The following COL21A1 variants were observed in gnomAD, a reference collection of about 807,000 sequenced individuals.
COL21A1 encodes collagen type XXI alpha 1 chain.
Under a neutral mutation model 137.9 loss-of-function variants are expected in COL21A1, and 149 were observed. The observed-to-expected ratio is 1.08, with a 90% CI of 0.95 to 1.24. The LOEUF is 1.24. Ranked by LOEUF, COL21A1 falls within the 50% of genes most tolerant of loss-of-function variation. COL21A1 has a pLI of 0.00. For missense variants in COL21A1, 1,167 were observed against 1,158.4 expected (o/e 1.01, Z -0.11); for synonymous variants, 456 against 391.5 (o/e 1.16, Z -1.95).
intron 1 of COL21A1, among the ~76,000 whole-genome samples, chr6:56,300,471 T>G (rs188890960): frequency 2.0e-5 from 3 of 152,270 alleles, no homozygotes; most frequent in Admixed American, 2.0e-4. Flanking sequence ...CTGGAATGTC[T>G]TCTAAAAAAC....
intron 12 of COL21A1, among the ~76,000 whole-genome samples, chr6:56,139,588 G>C (rs2152234556): frequency 6.6e-6 from 1 of 152,146 alleles, no homozygotes; most frequent in East Asian, 1.9e-4. Context: ...ATTTTTGTTT[G>C]GTCTTCAGGA....
chr6:56,254,015 G>A (rs1249232554), intron 1 of COL21A1, among the ~76,000 whole-genome samples: 2 of 152,088 alleles, frequency 1.3e-5, no homozygotes. Flanking sequence ...GAGACTACTT[G>A]GAGATAATTA....
intron 1 of COL21A1, among the ~76,000 whole-genome samples, chr6:56,369,595 C>T (rs1766183421): frequency 8.1e-6 from 1 of 123,636 alleles, no homozygotes; most frequent in African/African-American, 3.0e-5. Context: ...AGAAAGGAAA[C>T]AATTGTGAAA....
chr6:56,079,987 C>G (rs750587379), intron 17 of COL21A1, among the ~76,000 whole-genome samples: 4 of 151,568 alleles, frequency 2.6e-5, no homozygotes, highest in Non-Finnish European at 5.9e-5. Flanking sequence ...GAGAGGTTAA[C>G]CAGGGAAACT....
At chr6:56,123,602 C>G (rs1561889472) in intron 16 of COL21A1, among the ~76,000 whole-genome samples, 1 of 152,122 alleles carries the variant, frequency 6.6e-6, no homozygotes, top group Non-Finnish European at 1.5e-5. Context: ...TGCTAATGGA[C>G]CACCCCAAGG....
intron 9 of COL21A1, among the ~76,000 whole-genome samples, chr6:56,162,531 G>T (rs1776269769): frequency 6.6e-6 from 1 of 152,088 alleles, no homozygotes; most frequent in South Asian, 2.1e-4. Context: ...ACATCTATTG[G>T]ACCACAAATG....
intron 12 of COL21A1, among the ~76,000 whole-genome samples, chr6:56,129,998 T>G (rs1428583826): frequency 6.6e-6 from 1 of 151,164 alleles, no homozygotes; most frequent in Non-Finnish European, 1.5e-5. Context: ...AAATTTTATA[T>G]CTAAGATCCA....
chr6:56,091,230 G>A (rs1768785938), intron 17 of COL21A1, among the ~76,000 whole-genome samples: 2 of 152,164 alleles, frequency 1.3e-5, no homozygotes. Flanking sequence ...CAGAAAAGGT[G>A]ATTAAACAAA....
At chr6:56,344,031 G>A (rs999712969) in intron 1 of COL21A1, among the ~76,000 whole-genome samples, 11 of 152,192 alleles carry the variant, frequency 7.2e-5, no homozygotes, top group African/African-American at 2.7e-4. Context: ...TCATTGTGAA[G>A]AGTGACTCCA....
At chr6:56,266,564 G>A (rs1258063445) in intron 1 of COL21A1, among the ~76,000 whole-genome samples, 1 of 152,208 alleles carries the variant, frequency 6.6e-6, no homozygotes, top group African/African-American at 2.4e-5. Flanking sequence ...ACTCCTGCTA[G>A]ATGCAATGCA....
At chr6:56,298,178 G>T (rs1764202764) in intron 1 of COL21A1, among the ~76,000 whole-genome samples, 1 of 151,936 alleles carries the variant, frequency 6.6e-6, no homozygotes, top group South Asian at 2.1e-4. Flanking sequence ...CAAGTCCAAT[G>T]GTGAAGGGAA....
upstream of COL21A1, among the ~76,000 whole-genome samples, chr6:56,250,199 A>C (rs994039): frequency 0.15 from 22,913 of 152,258 alleles, 3,236 homozygotes; most frequent in East Asian, 0.61. Context: ...AATTGAAAAG[A>C]AGGACAAGAA....
At chr6:56,144,034 G>T (rs1414066313) in intron 10 of COL21A1, among the ~76,000 whole-genome samples, 1 of 152,134 alleles carries the variant, frequency 6.6e-6, no homozygotes, top group African/African-American at 2.4e-5. Context: ...CATGGAATTT[G>T]CTCAGCCCTG....
chr6:56,348,203 C>G (rs1317929865), intron 1 of COL21A1, among the ~76,000 whole-genome samples: 1 of 152,106 alleles, frequency 6.6e-6, no homozygotes, highest in Non-Finnish European at 1.5e-5. Flanking sequence ...AATCTGCTTT[C>G]TTCCCTTAAG....
intron 1 of COL21A1, among the ~76,000 whole-genome samples, chr6:56,336,958 C>G (rs1765341140): frequency 6.6e-6 from 1 of 152,208 alleles, no homozygotes; most frequent in African/African-American, 2.4e-5. Flanking sequence ...AGTAAATACT[C>G]TCTATGCCTT....
chr6:56,122,516 A>G lies in COL21A1; in HGVS notation c.1758+1546T>C, dbSNP rs554607905. Among the ~76,000 whole-genome samples, 9 of 152,172 alleles carry G rather than the reference A, an allele frequency of 5.9e-5. No individual in the cohort carries two copies. In the East Asian group the frequency reaches 1.2e-3, roughly 20 times the overall value. On this transcript the variant is annotated intron_variant, in intron 16 of 29. Transcript: ENST00000244728. ...TTTTAATAGGGCATGGTGTTTCTTT[A>G]TGGGATAATGAAAATGTTCTAAAAA...
intron 9 of COL21A1, among the ~76,000 whole-genome samples, chr6:56,162,384 T>G (rs1002248082): frequency 6.6e-6 from 1 of 152,010 alleles, no homozygotes; most frequent in Non-Finnish European, 1.5e-5. Context: ...AGATTATGAC[T>G]AAGAAAAGAA....
At chr6:56,178,283 C>T (rs1034064383) in intron 3 of COL21A1, among the ~76,000 whole-genome samples, 4 of 152,052 alleles carry the variant, frequency 2.6e-5, no homozygotes, top group Non-Finnish European at 1.5e-5. Flanking sequence ...TCCCATTGGC[C>T]TGTTCAGTAT....
At chr6:56,244,938 A>C (rs1045408740) in intron 1 of COL21A1, among the ~76,000 whole-genome samples, 6 of 152,204 alleles carry the variant, frequency 3.9e-5, no homozygotes, top group South Asian at 2.1e-4. Context: ...GATTGTATGC[A>C]TGTGTGTGTG....
Sources: gnomAD v4.1 joint callset for allele counts (sites outside exome capture counted in the v4.1 genomes callset) on GRCh38, gnomAD v4.1.1 for gene constraint, MANE v1.5 for transcripts, NCBI Gene and HGNC (gene_info 2026-07-23, HGNC 2026-07-21) for gene names.